Variants in RHD observed in about 807,000 individuals in gnomAD.
The protein encoded by RHD is blood group Rh(D) polypeptide.
A neutral mutation model predicts 45.5 loss-of-function variants in RHD; 16 were observed. The ratio of observed to expected loss-of-function variants is 0.35; its 90% CI spans 0.24 to 0.53. RHD has a LOEUF of 0.53. RHD is among the 20% of genes least tolerant of loss of function. The pLI is 0.92. For missense variants in RHD, 306 were observed against 532.0 expected (o/e 0.58, Z 4.18); for synonymous variants, 131 against 217.5 (o/e 0.60, Z 3.50).
rs1417783822 is a variant in RHD at position 25,297,784 on chromosome 1, A to T, written c.487-3162A>T. Among the ~76,000 whole-genome samples the T allele has an allele frequency of 3.8e-5, 5 of 132,126 alleles. 2 individuals carry two copies. The highest frequency in any genetic ancestry group is 8.9e-5 in the Non-Finnish European group (5 of 56,054). The allele number at this position is 132,126 out of a possible 152,430, so 86.7% of individuals were successfully genotyped here. ...CAGCAGAGCTTTCTTAGGCGGAATG[A>T]AGAGAATTCAGTGTAAGAACCATAA... On this transcript the variant is annotated intron_variant, in intron 3 of 9. Transcript: ENST00000328664.
intron 7 of RHD, among the ~76,000 whole-genome samples, chr1:25,313,621 A>G (rs1431333343): frequency 7.6e-6 from 1 of 132,350 alleles, no homozygotes; most frequent in Non-Finnish European, 1.8e-5. Context: ...AACAAGAGGC[A>G]GAACACGTCA....
chr1:25,290,156 C>T lies in RHD; in HGVS notation c.336-485C>T, dbSNP rs1188680278. Among the ~76,000 whole-genome samples, 74 of 129,870 alleles carry T rather than the reference C, an allele frequency of 5.7e-4. 14 individuals carry two copies. Among genetic ancestry groups the T allele is most frequent in the Non-Finnish European group, 5.4e-4 (30 of 55,288 alleles). 85.2% of individuals were successfully genotyped at this position (129,870 alleles called of 152,430 possible). On this transcript the variant is annotated intron_variant, in intron 2 of 9. Transcript: ENST00000328664. ...CCTGATTCCAAATCCAGTTTCTTTCCACTGCCACGGAGACGGAGAGAAGGG... is the reference window on the plus strand; with the variant it reads ...CCTGATTCCAAATCCAGTTTCTTTCTACTGCCACGGAGACGGAGAGAAGGG...
Position 25,307,637 on chromosome 1 carries a change from T to A in RHD, c.1073+908T>A, listed in dbSNP as rs1421663119. 1.1e-5 allele frequency: 13 copies of A among 1,135,220 alleles called. 3 individuals are homozygous for A. Among genetic ancestry groups the A allele is most frequent in the Non-Finnish European group, 1.6e-5 (13 of 790,892 alleles). 70.3% of individuals were successfully genotyped at this position (1,135,220 alleles called of 1,614,324 possible). ...AAGAAATGAGATTTAAGAGAAGTTA[T>A]CTGCCCAAGGTCACTCGGCTGGAAC... On this transcript the variant is annotated intron_variant, in intron 7 of 9. Coordinates refer to ENST00000328664, the MANE Select transcript of RHD (RefSeq NM_016124.6).
At chr1:25,299,322 C>G (rs1318179621) in intron 3 of RHD, among the ~76,000 whole-genome samples, 1 of 130,656 alleles carries the variant, frequency 7.7e-6, no homozygotes, top group Non-Finnish European at 1.8e-5. Flanking sequence ...GTGGAGGTTG[C>G]AGTGAGCCAA....
At chr1:25,319,438 C>T in intron 8 of RHD, among the ~76,000 whole-genome samples, 1 of 131,520 alleles carries the variant, frequency 7.6e-6, no homozygotes, top group Non-Finnish European at 1.8e-5. Flanking sequence ...TAGTGAGACC[C>T]CATCTCTACA....
Position 25,296,540 on chromosome 1 carries a change from C to T in RHD, c.487-4406C>T, listed in dbSNP as rs1300223054. Among the ~76,000 whole-genome samples the T allele has an allele frequency of 9.3e-5, 12 of 128,348 alleles. 1 individual carries two copies. Among genetic ancestry groups the T allele is most frequent in the African/African-American group, 2.9e-4 (11 of 37,626 alleles). The allele number at this position is 128,348 out of a possible 152,430, so 84.2% of individuals were successfully genotyped here. On this transcript the variant is annotated intron_variant, in intron 3 of 9. Coordinates refer to ENST00000328664, the MANE Select transcript of RHD (RefSeq NM_016124.6). ...GATTACAGGCGTGGGCCACCATAAC[C>T]GGCCTCAGTGTATATTTCTGATGCA...
At position 25,303,869 on chromosome 1, in the gene RHD, A is replaced by C. The variant is rs1388442346; in HGVS notation, c.939+410A>C. Among the ~76,000 whole-genome samples, 8 of 124,642 alleles carry C rather than the reference A, an allele frequency of 6.4e-5. 1 individual carries two copies. Among genetic ancestry groups the C allele is most frequent in the South Asian group, 2.5e-4 (1 of 4,042 alleles). 81.8% of individuals were successfully genotyped at this position (124,642 alleles called of 152,430 possible). On this transcript the variant is annotated intron_variant, in intron 6 of 9. Transcript: ENST00000328664. ...ATTGTGGGGTGTAGTCTTTTGCTTCAAGAAAGCAGCCTGGTGGATGGAATC... is the reference window on the plus strand; with the variant it reads ...ATTGTGGGGTGTAGTCTTTTGCTTCCAGAAAGCAGCCTGGTGGATGGAATC...
At chr1:25,323,414 C>A (rs1644820021) in intron 9 of RHD, among the ~76,000 whole-genome samples, 1 of 112,246 alleles carries the variant, frequency 8.9e-6, no homozygotes, top group Non-Finnish European at 2.1e-5. Flanking sequence ...TGGTCCCACC[C>A]AAAGGCAACC....
intron 3 of RHD, among the ~76,000 whole-genome samples, chr1:25,300,281 AG>A (rs1189443067): frequency 7.7e-6 from 1 of 130,378 alleles, no homozygotes; most frequent in South Asian, 2.3e-4. Flanking sequence ...GCACTTTGGG[AG>A]GGAAGGATCT....
chr1:25,300,904 G>A lies in RHD; in HGVS notation c.487-42G>A, dbSNP rs568490582. ...GGACTATCAGGGCTTGCCCCGGGCA[G>A]AGGATGCCGACACTCACTGCTCTTA... is the stretch of plus-strand genomic sequence containing the variant. On this transcript the variant is annotated intron_variant, in intron 3 of 9. Coordinates refer to ENST00000328664, the MANE Select transcript of RHD (RefSeq NM_016124.6). 24 of 1,369,158 alleles carry A rather than the reference G, an allele frequency of 1.8e-5. No homozygotes were observed. In the East Asian group the frequency reaches 4.9e-4, roughly 28 times the overall value. The allele number at this position is 1,369,158 out of a possible 1,614,324, so 84.8% of individuals were successfully genotyped here.
intron 1 of RHD, among the ~76,000 whole-genome samples, chr1:25,276,865 G>T (rs1485222516): frequency 7.6e-6 from 1 of 132,222 alleles, no homozygotes; most frequent in African/African-American, 2.6e-5. Flanking sequence ...TGGAGATGGA[G>T]ACCATCCTGG....
Position 25,306,579 on chromosome 1 carries a change from A to C in RHD, c.940-17A>C, listed in dbSNP as rs1486281573. Reference sequence around the variant, plus strand: ...GGTCTCACCTGCCAATCTGCTTATAATAACACTTGTCCACAGGGGTGTTGT... The same window carrying C: ...GGTCTCACCTGCCAATCTGCTTATACTAACACTTGTCCACAGGGGTGTTGT... On this transcript the variant is annotated splice_polypyrimidine_tract_variant and intron_variant, in intron 6 of 9. Coordinates refer to ENST00000328664, the MANE Select transcript of RHD (RefSeq NM_016124.6). 1.1e-5 allele frequency: 15 copies of C among 1,376,854 alleles called. 5 individuals are homozygous for C. The highest frequency in any genetic ancestry group is 1.5e-5 in the Non-Finnish European group (15 of 977,632). The allele number at this position is 1,376,854 out of a possible 1,614,324, so 85.3% of individuals were successfully genotyped here. A position where few individuals can be genotyped will look rare whatever the true frequency, so the allele number is the denominator to read the frequency against.
intron 5 of RHD, among the ~76,000 whole-genome samples, chr1:25,303,050 G>A (rs1440720274): frequency 7.6e-6 from 1 of 131,468 alleles, no homozygotes; most frequent in East Asian, 2.0e-4. Context: ...TGGGTGCCTA[G>A]GATGCTGAGC....
chr1:25,288,935 A>C lies in RHD; in HGVS notation c.336-1706A>C, dbSNP rs1315250990. ...ATTCTAAATTCCTGGTCCCTGTAAG[A>C]CTCCTTCCCCATGCCCTTGCCCTTT... On this transcript the variant is annotated intron_variant, in intron 2 of 9. Coordinates refer to ENST00000328664, the MANE Select transcript of RHD (RefSeq NM_016124.6). Among the ~76,000 whole-genome samples the C allele has an allele frequency of 3.8e-5, 5 of 132,598 alleles. 1 individual carries two copies. Among genetic ancestry groups the C allele is most frequent in the Non-Finnish European group, 8.9e-5 (5 of 56,220 alleles). 87.0% of individuals were successfully genotyped at this position (132,598 alleles called of 152,430 possible).
chr1:25,287,478 C>A (rs964827800), intron 2 of RHD, among the ~76,000 whole-genome samples: 4 of 135,094 alleles, frequency 3.0e-5, no homozygotes, highest in Non-Finnish European at 7.0e-5. Flanking sequence ...GACCGGTTCC[C>A]GTCAGGGCTG....
chr1:25,289,499 A>G (rs1642316257), intron 2 of RHD, among the ~76,000 whole-genome samples: 1 of 132,390 alleles, frequency 7.6e-6, no homozygotes, highest in African/African-American at 2.6e-5. Flanking sequence ...CCAGCCTTAT[A>G]GGGTTAAAAT....
intron 2 of RHD, among the ~76,000 whole-genome samples, chr1:25,286,022 G>C (rs1362642717): frequency 7.4e-6 from 1 of 135,196 alleles, no homozygotes; most frequent in Non-Finnish European, 1.8e-5. Context: ...GGAAGTGGAA[G>C]CTCAGAGAGG....
intron 7 of RHD, among the ~76,000 whole-genome samples, chr1:25,307,107 T>A (rs1270910481): frequency 7.5e-6 from 1 of 132,794 alleles, no homozygotes; most frequent in African/African-American, 2.6e-5. Context: ...TGGCTTAACC[T>A]TTCTCAGCCT....
intron 3 of RHD, among the ~76,000 whole-genome samples, chr1:25,298,600 C>T (rs2124666400): frequency 7.6e-6 from 1 of 131,656 alleles, no homozygotes; most frequent in East Asian, 2.0e-4. Context: ...AAAACACAAG[C>T]CCGCTTTTCA....
Sources: gnomAD v4.1 joint callset for allele counts (sites outside exome capture counted in the v4.1 genomes callset) on GRCh38, gnomAD v4.1.1 for gene constraint, MANE v1.5 for transcripts, NCBI Gene and HGNC (gene_info 2026-07-23, HGNC 2026-07-21) for gene names.